KIF21A: variants seen among roughly 807,000 people sequenced by gnomAD.
KIF21A encodes kinesin-like protein KIF21A.
Under a neutral mutation model 202.9 loss-of-function variants are expected in KIF21A, and 114 were observed. The ratio of observed to expected loss-of-function variants is 0.56; its 90% confidence interval spans 0.48 to 0.66. The LOEUF (loss-of-function observed/expected upper bound fraction) is 0.66, where lower values mean the gene tolerates loss of function less well. Ranked by LOEUF, KIF21A falls within the 30% of genes least tolerant of loss-of-function variation. KIF21A has a pLI of 0.00. For synonymous variants in KIF21A, 667 were observed against 670.8 expected (o/e 0.99, Z 0.09); for missense variants, 1,677 against 1,994.9 (o/e 0.84, Z 3.04).
chr12:39,442,891 G>T lies in KIF21A; in HGVS notation c.44+36C>A. 1 of 1,522,156 alleles carries T rather than the reference G, an allele frequency of 6.6e-7. No individual in the cohort carries two copies. 94.3% of individuals were successfully genotyped at this position (1,522,156 alleles called of 1,614,324 possible). A position where few individuals can be genotyped will look rare whatever the true frequency, so the allele number is the denominator to read the frequency against. ...CAGGTCCTTGCCGCGCCCTCAACCC[G>T]CCGCCCGCCGCCCGCCGCCGGCAGA... is the stretch of plus-strand genomic sequence containing the variant. On this transcript the variant is annotated intron_variant, in intron 1 of 37. Coordinates refer to ENST00000361418, the MANE Select transcript of KIF21A (RefSeq NM_001173464.2). The surrounding 1 kb of genome is among the most constrained non-coding windows in gnomAD (Gnocchi z 5.0).
rs945587431 is a variant in KIF21A, at chr12:39,322,888, C to G, written c.3457-6G>C. ...GTGGTGGTTCTCCTTCGGGCCTAGT[C>G]AAAGAATGGAAGGAAAAGCAATCAG... On this transcript the variant is annotated splice_region_variant and splice_polypyrimidine_tract_variant and intron_variant, in intron 26 of 37. Transcript: ENST00000361418. The G allele has an allele frequency of 4.0e-6, 6 of 1,509,268 alleles. No homozygotes were observed. The African/African-American group carries it at 8.7e-5, about 22-fold the overall frequency. The allele number at this position is 1,509,268 out of a possible 1,614,324, so 93.5% of individuals were successfully genotyped here. A position where few individuals can be genotyped will look rare whatever the true frequency, so the allele number is the denominator to read the frequency against.
At chr12:39,359,432 T>C (rs1949032470) in intron 7 of KIF21A, among the ~76,000 whole-genome samples, 1 of 152,156 alleles carries the variant, frequency 6.6e-6, no homozygotes, top group African/African-American at 2.4e-5. Context: ...TTTAGATTCC[T>C]AAAGGACAGG....
At chr12:39,365,422 T>C (rs1267999807) in intron 6 of KIF21A, among the ~76,000 whole-genome samples, 1 of 152,198 alleles carries the variant, frequency 6.6e-6, no homozygotes. Context: ...CAGGTACAAA[T>C]ATCCAGTTTT....
chr12:39,372,548 A>G (rs1950030261), intron 1 of KIF21A, among the ~76,000 whole-genome samples: 1 of 152,196 alleles, frequency 6.6e-6, no homozygotes, highest in Non-Finnish European at 1.5e-5. Context: ...ATCTAATACT[A>G]CTTAACTGTA....
chr12:39,308,117 C>A (rs1943652970), intron 33 of KIF21A, among the ~76,000 whole-genome samples: 2 of 151,756 alleles, frequency 1.3e-5, no homozygotes, highest in South Asian at 4.2e-4. Context: ...TCCTGTAATC[C>A]CAGCACTTTG....
chr12:39,334,652 A>G (rs1028925371), intron 17 of KIF21A, among the ~76,000 whole-genome samples: 1 of 152,216 alleles, frequency 6.6e-6, no homozygotes, highest in African/African-American at 2.4e-5. Context: ...TCATATTTTT[A>G]TATGGTATAT....
intron 32 of KIF21A, among the ~76,000 whole-genome samples, 175 bp from the exon 33 acceptor site, chr12:39,309,941 C>A (rs1477507450): frequency 6.6e-6 from 1 of 152,012 alleles, no homozygotes; most frequent in Non-Finnish European, 1.5e-5. Flanking sequence ...GGCTCAAAGA[C>A]AAGGTATGTG....
intron 7 of KIF21A, 33 bp from the exon 8 acceptor site, chr12:39,358,406 A>G (rs753210469): frequency 4.5e-6 from 7 of 1,570,778 alleles, no homozygotes; most frequent in Non-Finnish European, 6.1e-6. Context: ...AGGCTTACAC[A>G]TAAAAGCACC....
chr12:39,331,865 A>G (rs1223977813), intron 21 of KIF21A, 74 bp from the exon 22 acceptor site: 7 of 1,111,914 alleles, frequency 6.3e-6, no homozygotes, highest in Non-Finnish European at 8.3e-6. Context: ...ATTGTTTCAC[A>G]TATTTATTTC....
chr12:39,319,802 C>T (rs1945005620), intron 28 of KIF21A, 104 bp downstream of exon 28: 2 of 799,464 alleles, frequency 2.5e-6, no homozygotes, highest in Non-Finnish European at 4.2e-6. Context: ...GTCATAACCA[C>T]AGCACCAGCC....
intron 13 of KIF21A, 72 bp downstream of exon 13, chr12:39,341,962 A>G: frequency 1.0e-6 from 1 of 987,828 alleles, no homozygotes; most frequent in Non-Finnish European, 1.6e-6. Context: ...CAAGTAAGTT[A>G]GTAAGTTATC....
rs1939886979 is a variant in KIF21A, at chr12:39,443,063, G to A, written c.-93C>T. On this transcript the variant is annotated 5_prime_UTR_variant, in exon 1 of 38. Coordinates refer to ENST00000361418, the MANE Select transcript of KIF21A (RefSeq NM_001173464.2). ...CGGGACTCGGGCGCAGTAGGCTGGG[G>A]CGTCTGCGGGCGGGCGGCCGGCTCA... is the stretch of plus-strand genomic sequence containing the variant. 2.3e-6 allele frequency: 3 copies of A among 1,292,184 alleles called. No homozygotes were observed. Among genetic ancestry groups the A allele is most frequent in the Admixed American group, 7.2e-5 (2 of 27,928 alleles). The allele number at this position is 1,292,184 out of a possible 1,614,324, so 80.0% of individuals were successfully genotyped here.
chr12:39,361,153 G>A (rs1445753337), intron 7 of KIF21A, among the ~76,000 whole-genome samples: 1 of 152,140 alleles, frequency 6.6e-6, no homozygotes, highest in Non-Finnish European at 1.5e-5. Context: ...CCACTTATAA[G>A]GTAAGCAAAC....
intron 1 of KIF21A, among the ~76,000 whole-genome samples, chr12:39,381,088 G>A (rs1369658086): frequency 1.3e-5 from 2 of 151,922 alleles, no homozygotes; most frequent in African/African-American, 2.4e-5. Context: ...GGTGGATCAC[G>A]AGGTCAGGAG....
intron 35 of KIF21A, among the ~76,000 whole-genome samples, chr12:39,303,799 G>A (rs12099945): frequency 0.012 from 1,784 of 152,112 alleles, 34 homozygotes; most frequent in African/African-American, 0.037. Context: ...GTTCAAAATC[G>A]TTTCACTTTC....
chr12:39,311,766 G>A, intron 31 of KIF21A: 1 of 562,128 alleles, frequency 1.8e-6, no homozygotes, highest in Non-Finnish European at 3.2e-6. Context: ...GCTAACAGCT[G>A]CATTCTGCAA....
intron 1 of KIF21A, among the ~76,000 whole-genome samples, chr12:39,438,999 C>T (rs573707655): frequency 6.6e-6 from 1 of 152,246 alleles, no homozygotes; most frequent in South Asian, 2.1e-4. Context: ...CTAAGCCATC[C>T]ATTCAACTTA....
intron 7 of KIF21A, among the ~76,000 whole-genome samples, chr12:39,359,353 T>C (rs1305442320): frequency 1.6e-4 from 24 of 152,196 alleles, no homozygotes; most frequent in Admixed American, 1.6e-3. Flanking sequence ...TCACACCTTT[T>C]GGATATCTCT....
intron 15 of KIF21A, 67 bp from the exon 16 acceptor site, chr12:39,340,431 C>T: frequency 8.3e-7 from 1 of 1,203,864 alleles, no homozygotes; most frequent in Non-Finnish European, 1.2e-6. Context: ...CACAGATTTA[C>T]AGTCCATATC....
Sources: gnomAD v4.1 joint callset for allele counts (sites outside exome capture counted in the v4.1 genomes callset) on GRCh38, gnomAD v4.1.1 for gene constraint, Gnocchi (gnomAD v3.1) non-coding constraint, MANE v1.5 for transcripts, NCBI Gene and HGNC (gene_info 2026-07-23, HGNC 2026-07-21) for gene names.